Variants in TMEM272 observed in about 807,000 individuals in gnomAD.
TMEM272 encodes the protein transmembrane protein 272, also known as long intergenic non-protein coding RNA 282.
TMEM272 carries 8 observed loss-of-function variants against 3.7 expected under a neutral mutation model. That is an observed-to-expected ratio of 2.17 (90% confidence interval 1.27 to 3.91). The LOEUF (loss-of-function observed/expected upper bound fraction) is 3.91, where lower values mean the gene tolerates loss of function less well. Among genes scored for constraint, TMEM272 ranks in the 30% most tolerant of loss-of-function variants. TMEM272 has a pLI of 0.00. For missense variants in TMEM272, 166 were observed against 91.5 expected, an observed-to-expected ratio of 1.81 and a Z score of -3.32; for synonymous variants, 63 against 39.8, an observed-to-expected ratio of 1.58 and a Z score of -2.20.
At chr13:51,853,313 G>A in the TMEM272 span, among the ~76,000 whole-genome samples, 1 of 152,120 alleles carries the variant, frequency 6.6e-6, no homozygotes, top group African/African-American at 2.4e-5. Context: ...GGGAAGCTGA[G>A]GCAGAAGAAT....
chr13:51,895,610 T>C, the TMEM272 span, among the ~76,000 whole-genome samples: 2 of 152,094 alleles, frequency 1.3e-5, no homozygotes, highest in African/African-American at 4.8e-5. Context: ...GCTACCAAGA[T>C]AGCAGACCAG....
At chr13:51,865,818 G>T in the TMEM272 span, 1 of 1,614,210 alleles carries the variant, frequency 6.2e-7, no homozygotes, top group South Asian at 1.1e-5. Flanking sequence ...GAAAGAGACC[G>T]GAACCTTCTT....
At chr13:51,889,516 C>A in the TMEM272 span, among the ~76,000 whole-genome samples, 955 of 152,274 alleles carry the variant, frequency 6.3e-3, 8 homozygotes, top group African/African-American at 0.022. Flanking sequence ...AGGAGAGAGG[C>A]CTCAGGAGAA....
intron 2 of TMEM272, among the ~76,000 whole-genome samples, chr13:51,836,255 G>C (rs745758352): frequency 6.6e-6 from 1 of 152,076 alleles, no homozygotes; most frequent in South Asian, 2.1e-4. Context: ...GACACAAGAA[G>C]GCCCTCCCCA....
chr13:51,823,178 A>C (rs923637818), intron 3 of TMEM272, among the ~76,000 whole-genome samples: 3 of 152,220 alleles, frequency 2.0e-5, no homozygotes, highest in African/African-American at 7.2e-5. Context: ...TCCCAGGCTC[A>C]AGCGATTCTC....
the TMEM272 span, chr13:51,932,895 G>T: frequency 1.3e-5 from 2 of 152,132 alleles, no homozygotes; most frequent in African/African-American, 4.8e-5. Context: ...AGCCTAGTCA[G>T]AAAACAACAT....
At chr13:51,837,001 C>T (rs1956221689) in intron 2 of TMEM272, among the ~76,000 whole-genome samples, 1 of 152,174 alleles carries the variant, frequency 6.6e-6, no homozygotes, top group Non-Finnish European at 1.5e-5. Flanking sequence ...TGAAGGACCT[C>T]CCCAGAGGAG....
chr13:51,866,050 C>T, the TMEM272 span: 1 of 1,592,634 alleles, frequency 6.3e-7, no homozygotes, highest in Non-Finnish European at 8.5e-7. Flanking sequence ...GAGGGCAGCG[C>T]TTGCTGGCCT....
At chr13:51,863,295 G>T in the TMEM272 span, among the ~76,000 whole-genome samples, 1 of 152,220 alleles carries the variant, frequency 6.6e-6, no homozygotes, top group Non-Finnish European at 1.5e-5. Context: ...GTTCAGCTTT[G>T]ATCTTTGGGC....
chr13:51,905,368 G>T, the TMEM272 span, among the ~76,000 whole-genome samples: 1 of 152,212 alleles, frequency 6.6e-6, no homozygotes, highest in Non-Finnish European at 1.5e-5. Context: ...ACTCACCTCG[G>T]CTAGAGCTGC....
chr13:51,861,028 C>T, the TMEM272 span, among the ~76,000 whole-genome samples: 85 of 151,770 alleles, frequency 5.6e-4, no homozygotes, highest in Non-Finnish European at 8.2e-4. Flanking sequence ...AGAATCCTGC[C>T]GTTTGTCACA....
At chr13:51,861,649 A>C in the TMEM272 span, among the ~76,000 whole-genome samples, 1 of 152,214 alleles carries the variant, frequency 6.6e-6, no homozygotes, top group Non-Finnish European at 1.5e-5. Flanking sequence ...TATGAGCCCT[A>C]GAAGGAGAGG....
chr13:51,860,464 C>T, the TMEM272 span, among the ~76,000 whole-genome samples: 3 of 151,618 alleles, frequency 2.0e-5, no homozygotes, highest in Non-Finnish European at 4.4e-5. Flanking sequence ...CATGGAGAAA[C>T]CTTATCTCTA....
intron 2 of TMEM272, among the ~76,000 whole-genome samples, chr13:51,828,993 C>T (rs751395540): frequency 2.0e-5 from 3 of 152,214 alleles, no homozygotes; most frequent in African/African-American, 7.2e-5. Context: ...AATTAGTATA[C>T]CTTGTCCTCT....
At chr13:51,882,724 A>T in the TMEM272 span, among the ~76,000 whole-genome samples, 1 of 151,698 alleles carries the variant, frequency 6.6e-6, no homozygotes, top group African/African-American at 2.4e-5. Flanking sequence ...TTCATTAAAA[A>T]ATAAAAAATA....
chr13:51,912,585 A>T, the TMEM272 span, among the ~76,000 whole-genome samples: 1 of 152,032 alleles, frequency 6.6e-6, no homozygotes, highest in African/African-American at 2.4e-5. Flanking sequence ...AATTATTGCC[A>T]ATTTGTTTCT....
At chr13:51,922,361 G>C in the TMEM272 span, among the ~76,000 whole-genome samples, 24 of 152,194 alleles carry the variant, frequency 1.6e-4, no homozygotes, top group African/African-American at 4.3e-4. Context: ...TTAGGCTCCT[G>C]TTCCCAGGAC....
At chr13:51,876,956 A>G in the TMEM272 span, among the ~76,000 whole-genome samples, 1 of 152,214 alleles carries the variant, frequency 6.6e-6, no homozygotes, top group Non-Finnish European at 1.5e-5. Flanking sequence ...CCAGTCAGCA[A>G]TAACTCCAGA....
At chr13:51,822,575 A>T (rs1252560012) in intron 3 of TMEM272, among the ~76,000 whole-genome samples, 1 of 152,068 alleles carries the variant, frequency 6.6e-6, no homozygotes, top group Admixed American at 6.5e-5. Flanking sequence ...TGCGTGAATG[A>T]GGTTCTCATC....
Sources: gnomAD v4.1 joint callset for allele counts (sites outside exome capture counted in the v4.1 genomes callset) on GRCh38, gnomAD v4.1.1 for gene constraint, MANE v1.5 for transcripts, NCBI Gene and HGNC (gene_info 2026-07-23, HGNC 2026-07-21) for gene names.